The following ANXA5 variants were observed in gnomAD, a reference collection of about 807,000 sequenced individuals.
ANXA5 encodes annexin A5.
A neutral mutation model predicts 48.1 loss-of-function variants in ANXA5; 40 were observed. The ratio of observed to expected loss-of-function variants is 0.83; its 90% CI spans 0.65 to 1.08. ANXA5 has a LOEUF of 1.08. Among genes scored for constraint, ANXA5 ranks in the 50% least tolerant of loss-of-function variants. The pLI, the probability that ANXA5 is intolerant of heterozygous loss-of-function variation, is 0.00. For missense variants in ANXA5, 357 were observed against 376.8 expected (o/e 0.95, Z 0.44); for synonymous variants, 113 against 129.1 (o/e 0.88, Z 0.85).
At chr4:121,680,487 T>C (rs1724772461) in intron 6 of ANXA5, among the ~76,000 whole-genome samples, 1 of 152,226 alleles carries the variant, frequency 6.6e-6, no homozygotes, top group African/African-American at 2.4e-5. Context: ...CTTTAAATAT[T>C]GCAGTCATTC....
chr4:121,668,194 G>C lies in ANXA5; in HGVS notation c.*274C>G, dbSNP rs1724552116. 3 of 287,830 alleles carry C rather than the reference G, an allele frequency of 1.0e-5. No individual in the cohort carries two copies. The highest frequency in any genetic ancestry group is 1.9e-5 in the Non-Finnish European group (3 of 155,698). The allele number at this position is 287,830 out of a possible 1,614,324, so 17.8% of individuals were successfully genotyped here. On this transcript the variant is annotated 3_prime_UTR_variant, in exon 13 of 13. Coordinates refer to ENST00000296511, the MANE Select transcript of ANXA5 (RefSeq NM_001154.4). ...TTTAAAAAAGGCTAAAAGCACTCTA[G>C]CCTCTTAAAAAATATATATAAATGG... is the stretch of plus-strand genomic sequence containing the variant.
intron 3 of ANXA5, among the ~76,000 whole-genome samples, chr4:121,686,013 T>C (rs1724881737): frequency 1.4e-5 from 2 of 140,090 alleles, no homozygotes; most frequent in African/African-American, 5.3e-5. Flanking sequence ...TCTGAAAACA[T>C]TATGAAATTT....
At chr4:121,678,599 T>A (rs143768472) in intron 6 of ANXA5, 105 bp from the exon 7 acceptor site, 1 of 979,920 alleles carries the variant, frequency 1.0e-6, no homozygotes, top group Non-Finnish European at 1.5e-6. Flanking sequence ...AATAATTATA[T>A]TTGGTTAACA....
intron 2 of ANXA5, among the ~76,000 whole-genome samples, chr4:121,694,252 AAT>A (rs935746873): frequency 6.9e-6 from 1 of 144,594 alleles, no homozygotes; most frequent in Non-Finnish European, 1.5e-5. Flanking sequence ...GTATAATAAA[AAT>A]ATATATATAA....
Position 121,677,905 on chromosome 4 carries a change from G to T in ANXA5, c.520C>A (p.Gln174Lys). The T allele has an allele frequency of 6.2e-7, 1 of 1,613,524 alleles. No homozygotes were observed. Among genetic ancestry groups the T allele is most frequent in the Non-Finnish European group, 8.5e-7 (1 of 1,179,540 alleles). ...DAGIDEAQVEQDAQALFQAGE... is the reference protein window; with the variant it reads ...DAGIDEAQVEKDAQALFQAGE... ...CTGGTGTCACTCACCTGAGCATCTTGTTCAACTTGAGCTTCATCAATTCCA... is the reference window on the plus strand; with the variant it reads ...CTGGTGTCACTCACCTGAGCATCTTTTTCAACTTGAGCTTCATCAATTCCA... The change falls in exon 8 of 13, where the codon CAA (glutamine) becomes AAA (lysine). Residue 174 changes from glutamine (Q) to lysine (K), a missense_variant. Transcript: ENST00000296511.
intron 2 of ANXA5, among the ~76,000 whole-genome samples, chr4:121,693,826 C>T (rs1725027407): frequency 6.6e-6 from 1 of 152,172 alleles, no homozygotes; most frequent in Admixed American, 6.5e-5. Context: ...TCCAGAGAGA[C>T]TTGACTTTAA....
In ANXA5 at chr4:121,686,887, C is replaced by A. The variant is rs77349500; in HGVS notation, c.10-515G>T. Among the ~76,000 whole-genome samples, 24 of 152,318 alleles carry A rather than the reference C, an allele frequency of 1.6e-4. No homozygotes were observed. The East Asian group carries it at 3.9e-3, about 24-fold the overall frequency. On this transcript the variant is annotated intron_variant, in intron 2 of 12. Transcript: ENST00000296511. ...GTTCACGTGCCAGAGGAATACAAAT[C>A]TTTGAATTTAGAACTTTATAAAGGT...
intron 2 of ANXA5, among the ~76,000 whole-genome samples, chr4:121,694,104 G>GC (rs1394863532): frequency 2.5e-5 from 2 of 81,534 alleles, no homozygotes; most frequent in Non-Finnish European, 5.0e-5. Context: ...ATTGTGGGCG[G>GC]GGGGGAGGGG....
intron 8 of ANXA5, among the ~76,000 whole-genome samples, chr4:121,673,406 A>G (rs1186847690): frequency 1.3e-5 from 2 of 152,348 alleles, no homozygotes; most frequent in East Asian, 3.9e-4. Context: ...CTATCCTTTT[A>G]TTCATTTCAA....
chr4:121,693,876 A>G (rs74475245), intron 2 of ANXA5, among the ~76,000 whole-genome samples: 5 of 152,256 alleles, frequency 3.3e-5, no homozygotes, highest in African/African-American at 4.8e-5. Flanking sequence ...ATATCCAGTC[A>G]GCTCCTCTGG....
chr4:121,669,828 T>C (rs1724583547), intron 11 of ANXA5, 104 bp from the exon 12 acceptor site: 6 of 1,469,510 alleles, frequency 4.1e-6, no homozygotes, highest in Non-Finnish European at 5.6e-6. Flanking sequence ...AACAATTTAG[T>C]AGAACTGGGT....
Position 121,668,420 on chromosome 4 carries a change from C to T in ANXA5, c.*48G>A, listed in dbSNP as rs780959186. 7 of 1,554,606 alleles carry T rather than the reference C, an allele frequency of 4.5e-6. No individual in the cohort carries two copies. In the East Asian group the frequency reaches 1.3e-4, roughly 30 times the overall value. ...TGCAGCTAAAGGTGCTGAAGGAAGG[C>T]AGTGGGGTGGTGCAGGCACACAGCA... On this transcript the variant is annotated 3_prime_UTR_variant, in exon 13 of 13. Coordinates refer to ENST00000296511, the MANE Select transcript of ANXA5 (RefSeq NM_001154.4).
intron 8 of ANXA5, among the ~76,000 whole-genome samples, chr4:121,674,382 T>C (rs1419419892): frequency 1.3e-5 from 2 of 152,060 alleles, no homozygotes; most frequent in Non-Finnish European, 2.9e-5. Flanking sequence ...GAAAAGTTGC[T>C]ATTTAATATC....
intron 6 of ANXA5, 176 bp downstream of exon 6, chr4:121,681,495 A>G: frequency 2.0e-6 from 1 of 512,684 alleles, no homozygotes; most frequent in South Asian, 3.3e-5. Flanking sequence ...ATAACAAGGC[A>G]GTCTTTTCCT....
At chr4:121,678,062 C>A (rs1478341390) in intron 7 of ANXA5, 112 bp from the exon 8 acceptor site, 2 of 851,550 alleles carry the variant, frequency 2.3e-6, no homozygotes, top group East Asian at 2.4e-5. Context: ...GAATAATATG[C>A]TTTTATTAAG....
In ANXA5 at chr4:121,668,379, A is replaced by C; in HGVS notation, c.*89T>G. On this transcript the variant is annotated 3_prime_UTR_variant, in exon 13 of 13. Transcript: ENST00000296511. Reference sequence around the variant, plus strand: ...CTAGTATGAATAAGGCAATGTGTTAAGCACTGGCATACAAATGCAGCTAAA... The same window carrying C: ...CTAGTATGAATAAGGCAATGTGTTACGCACTGGCATACAAATGCAGCTAAA... 1 of 1,130,068 alleles carries C rather than the reference A, an allele frequency of 8.8e-7. No homozygotes were observed. Among genetic ancestry groups the C allele is most frequent in the Non-Finnish European group, 1.3e-6 (1 of 741,884 alleles). 70.0% of individuals were successfully genotyped at this position (1,130,068 alleles called of 1,614,324 possible).
Position 121,681,564 on chromosome 4 carries a change from A to G in ANXA5, c.394+107T>C, listed in dbSNP as rs1329095531. ...CATTCATTCATTCATTCATTCATCC[A>G]TCATTTACTGCGTGCCTCCCATACC... On this transcript the variant is annotated intron_variant, in intron 6 of 12. Coordinates refer to ENST00000296511, the MANE Select transcript of ANXA5 (RefSeq NM_001154.4). 1.3e-5 allele frequency: 8 copies of G among 622,536 alleles called. No individual in the cohort carries two copies. The East Asian group carries it at 2.2e-4, about 17-fold the overall frequency. 38.6% of individuals were successfully genotyped at this position (622,536 alleles called of 1,614,324 possible). A position where few individuals can be genotyped will look rare whatever the true frequency, so the allele number is the denominator to read the frequency against.
intron 2 of ANXA5, among the ~76,000 whole-genome samples, chr4:121,691,490 C>T (rs1035034193): frequency 6.6e-6 from 1 of 152,110 alleles, no homozygotes; most frequent in Non-Finnish European, 1.5e-5. Context: ...GGACTAAACT[C>T]TCTTTGTTCT....
chr4:121,668,576 G>A (rs1261134605), intron 12 of ANXA5, 49 bp from the exon 13 acceptor site: 1 of 1,566,872 alleles, frequency 6.4e-7, no homozygotes. Flanking sequence ...AGAAGCCATA[G>A]AAAATTTTAA....
Sources: allele counts gnomAD v4.1 joint callset (sites outside exome capture counted in the v4.1 genomes callset), GRCh38; gene constraint gnomAD v4.1.1; transcripts MANE v1.5; gene names NCBI Gene and HGNC (gene_info 2026-07-23, HGNC 2026-07-21).